C7: variants seen among roughly 807,000 people sequenced by gnomAD.
C7 encodes the protein complement component C7.
In C7, 83 loss-of-function variants were observed where a neutral mutation model predicts 104.8. That is an observed-to-expected ratio of 0.79 (90% confidence interval 0.66 to 0.95). The LOEUF is 0.95. Ranked by LOEUF, C7 falls within the 40% of genes least tolerant of loss-of-function variation. The pLI, the probability that C7 is intolerant of heterozygous loss-of-function variation, is 0.00. For missense variants in C7, 1,070 were observed against 1,011.2 expected, an observed-to-expected ratio of 1.06 and a Z score of -0.79; for synonymous variants, 415 against 360.6, an observed-to-expected ratio of 1.15 and a Z score of -1.71.
chr5:40,946,145 A>G (rs1279123349), intron 7 of C7, among the ~76,000 whole-genome samples: 1 of 151,958 alleles, frequency 6.6e-6, no homozygotes, highest in Non-Finnish European at 1.5e-5. Flanking sequence ...GTGCATGAAG[A>G]TAAAATACTT....
Position 40,982,494 on chromosome 5 carries a change from A to T in C7, c.*921A>T, listed in dbSNP as rs1427441127. On this transcript the variant is annotated 3_prime_UTR_variant, in exon 18 of 18. Coordinates refer to ENST00000313164, the MANE Select transcript of C7 (RefSeq NM_000587.4). ...TGAACCACTAAAATGTTAGAGCAGA[A>T]TTCATTATGCTGTGGTCACAGGGGT... is the stretch of plus-strand genomic sequence containing the variant. 6.6e-6 allele frequency: 1 copy of T among 152,374 alleles called. No homozygotes were observed. Among genetic ancestry groups the T allele is most frequent in the East Asian group, 1.9e-4 (1 of 5,318 alleles). 9.4% of individuals were successfully genotyped at this position (152,374 alleles called of 1,614,324 possible). A position where few individuals can be genotyped will look rare whatever the true frequency, so the allele number is the denominator to read the frequency against.
At chr5:40,927,680 C>A (rs529173540) in intron 1 of C7, among the ~76,000 whole-genome samples, 24 of 151,830 alleles carry the variant, frequency 1.6e-4, no homozygotes, top group South Asian at 6.2e-4. Context: ...CCAATAGATA[C>A]GTAAAAAAAG....
intron 4 of C7, among the ~76,000 whole-genome samples, chr5:40,934,951 GCAGT>G (rs754834295): frequency 3.3e-5 from 5 of 152,158 alleles, no homozygotes; most frequent in Non-Finnish European, 5.9e-5. Flanking sequence ...TTGCATTTAT[GCAGT>G]CAGATTAATG....
chr5:40,969,869 C>T (rs1256209115), intron 14 of C7, among the ~76,000 whole-genome samples: 1 of 151,842 alleles, frequency 6.6e-6, no homozygotes, highest in Non-Finnish European at 1.5e-5. Flanking sequence ...AAATCTTGGA[C>T]TTTCAAACTT....
chr5:40,950,116 T>A (rs1016178903), intron 9 of C7, 102 bp downstream of exon 9: 3 of 666,646 alleles, frequency 4.5e-6, no homozygotes, highest in Non-Finnish European at 7.8e-6. Context: ...ACTTGTGTCA[T>A]GGGGCTTTGT....
intron 14 of C7, among the ~76,000 whole-genome samples, chr5:40,968,034 C>A (rs1740596136): frequency 6.6e-6 from 1 of 152,176 alleles, no homozygotes; most frequent in South Asian, 2.1e-4. Flanking sequence ...TTATGGGACA[C>A]AAATTATACA....
chr5:40,977,243 T>C (rs1740839844), intron 16 of C7, among the ~76,000 whole-genome samples: 10 of 152,218 alleles, frequency 6.6e-5, no homozygotes, highest in Admixed American at 6.5e-4. Context: ...TCTTGAAGCA[T>C]CTTCTCTAGA....
At chr5:40,910,053 A>G (rs1739175513) in intron 1 of C7, among the ~76,000 whole-genome samples, 1 of 151,744 alleles carries the variant, frequency 6.6e-6, no homozygotes, top group Admixed American at 6.6e-5. Flanking sequence ...GCTAATAGAA[A>G]AGCAAATTTG....
chr5:40,966,677 C>T (rs978097562), intron 14 of C7, among the ~76,000 whole-genome samples: 1 of 151,918 alleles, frequency 6.6e-6, no homozygotes, highest in African/African-American at 2.4e-5. Flanking sequence ...ATGCCTGGCA[C>T]AATATTTGGT....
intron 13 of C7, among the ~76,000 whole-genome samples, chr5:40,963,591 C>A (rs1373985691): frequency 6.6e-6 from 1 of 152,102 alleles, no homozygotes; most frequent in Non-Finnish European, 1.5e-5. Context: ...TTGTTCTAAT[C>A]CCTAGAGCAG....
Position 40,958,169 on chromosome 5 carries a change from C to A in C7, c.1397C>A (p.Ala466Asp), listed in dbSNP as rs1366996198. ...HCRPCQNGGL[A>D]TVEGTHCLCH... ...CGGCCTTGTCAAAATGGTGGTTTGG[C>A]TACTGTTGAGGGGACCCATTGTCTG... is the stretch of plus-strand genomic sequence containing the variant. The change falls in exon 11 of 18, where the codon GCT (alanine) becomes GAT (aspartate). Residue 466 changes from alanine (A) to aspartate (D), a missense_variant. Ala to Asp is a moderately radical substitution (Grantham distance 126). Transcript: ENST00000313164. 9 of 1,613,740 alleles carry A rather than the reference C, an allele frequency of 5.6e-6. No homozygotes were observed. Among genetic ancestry groups the A allele is most frequent in the African/African-American group, 1.3e-5 (1 of 74,978 alleles).
At chr5:40,926,525 C>T (rs1277271268) in intron 1 of C7, among the ~76,000 whole-genome samples, 1 of 152,180 alleles carries the variant, frequency 6.6e-6, no homozygotes, top group East Asian at 1.9e-4. Flanking sequence ...ACCCTACAGA[C>T]TCCACCAGAA....
intron 1 of C7, among the ~76,000 whole-genome samples, chr5:40,925,741 C>T (rs934634232): frequency 4.6e-5 from 7 of 152,250 alleles, no homozygotes; most frequent in Middle Eastern, 3.4e-3. Context: ...TCTGGTGAAA[C>T]CTGCAGGGAG....
chr5:40,974,618 C>T (rs912536940), intron 15 of C7, among the ~76,000 whole-genome samples: 1 of 152,008 alleles, frequency 6.6e-6, no homozygotes, highest in South Asian at 2.1e-4. Context: ...CGGGGTTTCA[C>T]CATGTTAGTC....
intron 9 of C7, among the ~76,000 whole-genome samples, chr5:40,951,135 T>C (rs959181293): frequency 3.9e-5 from 6 of 152,164 alleles, no homozygotes; most frequent in Non-Finnish European, 7.3e-5. Context: ...GACCAAAAAA[T>C]GTTCACTGGA....
rs1244538261 is a variant in C7 at position 40,984,011 on chromosome 5, G to C, written c.*2438G>C. Among the ~76,000 whole-genome samples the C allele has an allele frequency of 6.6e-6, 1 of 152,152 alleles. No homozygotes were observed. The highest frequency in any genetic ancestry group is 1.5e-5 in the Non-Finnish European group (1 of 68,014). On this transcript the variant is annotated 3_prime_UTR_variant, in exon 18 of 18. Coordinates refer to ENST00000313164, the MANE Select transcript of C7 (RefSeq NM_000587.4). ...ATCACTAGCTTCAGGGAGCTATGTG[G>C]AGGCCAAGGCACATCCTACAGATCA...
At chr5:40,945,415 G>C (rs747294312) in intron 7 of C7, 47 bp downstream of exon 7, 1 of 1,306,106 alleles carries the variant, frequency 7.7e-7, no homozygotes, top group Non-Finnish European at 1.1e-6. Flanking sequence ...ACTTTTTTAA[G>C]TATTGCTTAC....
At chr5:40,930,469 G>A (rs1041071807) in intron 2 of C7, among the ~76,000 whole-genome samples, 3 of 151,620 alleles carry the variant, frequency 2.0e-5, no homozygotes, top group Non-Finnish European at 2.9e-5. Flanking sequence ...GACTCCCAAA[G>A]TGCTGAGATT....
intron 4 of C7, among the ~76,000 whole-genome samples, chr5:40,935,848 G>T (rs1332388228): frequency 6.6e-6 from 1 of 152,134 alleles, no homozygotes; most frequent in Non-Finnish European, 1.5e-5. Context: ...GCTGGCAAAG[G>T]CCATTTTTAT....
Sources: allele counts gnomAD v4.1 joint callset (sites outside exome capture counted in the v4.1 genomes callset), GRCh38; gene constraint gnomAD v4.1.1; transcripts MANE v1.5; gene names NCBI Gene and HGNC (gene_info 2026-07-23, HGNC 2026-07-21).